Variants in HEMK2 observed in about 807,000 individuals in gnomAD.
HEMK2 encodes the protein methyltransferase HEMK2.
chr21:28,664,066 T>C, the HEMK2 span, among the ~76,000 whole-genome samples: 1 of 152,218 alleles, frequency 6.6e-6, no homozygotes, highest in Non-Finnish European at 1.5e-5. Context: ...ATAAAGTATA[T>C]TGCAAAATAA....
At chr21:28,583,707 C>T in the HEMK2 span, among the ~76,000 whole-genome samples, 5 of 152,290 alleles carry the variant, frequency 3.3e-5, no homozygotes, top group Admixed American at 6.5e-5. Flanking sequence ...TTTAGCACCA[C>T]AGCCATATTT....
At chr21:28,780,818 AC>A in the HEMK2 span, among the ~76,000 whole-genome samples, 5 of 150,898 alleles carry the variant, frequency 3.3e-5, no homozygotes, top group South Asian at 4.2e-4. Flanking sequence ...TTTTATTTCA[AC>A]CCCCCCTCCT....
chr21:28,766,215 G>C, the HEMK2 span, among the ~76,000 whole-genome samples: 1 of 152,122 alleles, frequency 6.6e-6, no homozygotes, highest in African/African-American at 2.4e-5. Flanking sequence ...ATGATGAGTT[G>C]ATGGGTGCAG....
the HEMK2 span, among the ~76,000 whole-genome samples, chr21:28,674,337 T>C: frequency 5.8e-4 from 89 of 152,358 alleles, no homozygotes; most frequent in Non-Finnish European, 9.8e-4. Flanking sequence ...CATTCTTTTA[T>C]ACCTTTACTT....
At chr21:28,665,511 G>C in the HEMK2 span, among the ~76,000 whole-genome samples, 5 of 150,568 alleles carry the variant, frequency 3.3e-5, no homozygotes, top group Non-Finnish European at 7.4e-5. Context: ...TGACACGTTA[G>C]TGGGTGCAGC....
chr21:28,794,137 C>A, the HEMK2 span, among the ~76,000 whole-genome samples: 1 of 151,990 alleles, frequency 6.6e-6, no homozygotes, highest in African/African-American at 2.4e-5. Flanking sequence ...GACCTAGGTA[C>A]CTAAAGTTTT....
At chr21:28,619,922 T>C in the HEMK2 span, among the ~76,000 whole-genome samples, 2 of 152,204 alleles carry the variant, frequency 1.3e-5, no homozygotes, top group African/African-American at 4.8e-5. Context: ...AAAACTCTAA[T>C]GCCAGGAGAT....
the HEMK2 span, among the ~76,000 whole-genome samples, chr21:28,778,330 G>T: frequency 6.6e-6 from 1 of 152,134 alleles, no homozygotes; most frequent in Admixed American, 6.5e-5. Context: ...GTATTCCATG[G>T]TATGGATGTG....
At chr21:28,588,774 G>A in the HEMK2 span, among the ~76,000 whole-genome samples, 1 of 151,950 alleles carries the variant, frequency 6.6e-6, no homozygotes, top group Non-Finnish European at 1.5e-5. Flanking sequence ...ACAAGGTCAG[G>A]AGATCGAGAC....
At chr21:28,677,405 C>G in the HEMK2 span, among the ~76,000 whole-genome samples, 12 of 152,292 alleles carry the variant, frequency 7.9e-5, no homozygotes, top group South Asian at 2.3e-3. Context: ...CTGGGAAGCT[C>G]GAACTGGGTG....
chr21:28,843,746 G>T, the HEMK2 span, among the ~76,000 whole-genome samples: 1 of 152,102 alleles, frequency 6.6e-6, no homozygotes, highest in African/African-American at 2.4e-5. Context: ...TGTTTATAAT[G>T]TGGATATTAC....
the HEMK2 span, among the ~76,000 whole-genome samples, chr21:28,776,478 G>A: frequency 1.3e-5 from 2 of 152,134 alleles, no homozygotes; most frequent in Non-Finnish European, 2.9e-5. Flanking sequence ...GAAAGGCTGT[G>A]GACTGTGGTT....
the HEMK2 span, among the ~76,000 whole-genome samples, chr21:28,789,295 A>C: frequency 6.6e-6 from 1 of 152,106 alleles, no homozygotes; most frequent in Admixed American, 6.5e-5. Context: ...TTGAGGATGT[A>C]AGATTGGCTG....
the HEMK2 span, among the ~76,000 whole-genome samples, chr21:28,801,327 T>C: frequency 1.3e-5 from 2 of 152,226 alleles, no homozygotes; most frequent in Non-Finnish European, 2.9e-5. Flanking sequence ...CATTTTATAC[T>C]AGGACAAATT....
the HEMK2 span, chr21:28,885,238 C>G: frequency 0.87 from 1,379,076 of 1,586,390 alleles, 604,467 homozygotes; most frequent in South Asian, 0.94. Context: ...CCGCTGCCTC[C>G]AGCGCGTCCA....
chr21:28,857,685 G>T, the HEMK2 span, among the ~76,000 whole-genome samples: 5 of 151,948 alleles, frequency 3.3e-5, no homozygotes, highest in African/African-American at 9.7e-5. Flanking sequence ...TATTAATATT[G>T]CCATTTGTTA....
At chr21:28,827,724 TATTG>T in the HEMK2 span, among the ~76,000 whole-genome samples, 2 of 152,276 alleles carry the variant, frequency 1.3e-5, no homozygotes, top group South Asian at 2.1e-4. Context: ...AGAATGTCTA[TATTG>T]ATTATTTGTA....
chr21:28,615,389 T>A, the HEMK2 span, among the ~76,000 whole-genome samples: 1 of 151,294 alleles, frequency 6.6e-6, no homozygotes, highest in Non-Finnish European at 1.5e-5. Flanking sequence ...TGTCTCTCTG[T>A]CTCTGTCGCT....
chr21:28,769,744 T>C, the HEMK2 span, among the ~76,000 whole-genome samples: 4 of 152,142 alleles, frequency 2.6e-5, no homozygotes, highest in Non-Finnish European at 5.9e-5. Flanking sequence ...GGGAAAAGCC[T>C]GCACATACTA....
Sources: allele counts gnomAD v4.1 joint callset (sites outside exome capture counted in the v4.1 genomes callset), GRCh38; gene constraint gnomAD v4.1.1; transcripts MANE v1.5; gene names NCBI Gene and HGNC (gene_info 2026-07-23, HGNC 2026-07-21).